ZNF236: variants seen among roughly 807,000 people sequenced by gnomAD.
ZNF236 encodes zinc finger protein 236, also known as regulated by glucose.
ZNF236 carries 50 observed loss-of-function variants against 191.2 expected under a neutral mutation model. That is an observed-to-expected ratio of 0.26 (90% CI 0.21 to 0.33). The LOEUF is 0.33. Ranked by LOEUF, ZNF236 falls within the 10% of genes least tolerant of loss-of-function variation. The pLI, the probability that ZNF236 is intolerant of heterozygous loss-of-function variation, is 1.00. For synonymous variants in ZNF236, 907 were observed against 928.8 expected, an observed-to-expected ratio of 0.98 and a Z score of 0.43; for missense variants, 1,754 against 2,374.5, an observed-to-expected ratio of 0.74 and a Z score of 5.43.
At position 76,913,768 on chromosome 18, in the gene ZNF236, C is replaced by G; in HGVS notation, c.2931C>G (p.Gly977=). ...GTAGGTGTGACTATTGCAACAAAGG[C>G]TTTAAGAAGTCCAGCCACCTGAAGC... is the stretch of plus-strand genomic sequence containing the variant. ...RSYRCDYCNK[G]FKKSSHLKQH... is the part of the protein sequence containing the mutation. Residue 977 remains glycine (G), a synonymous_variant, in exon 18 of 31, where the codon GGC becomes GGG. Transcript: ENST00000320610. 1 of 1,614,138 alleles carries G rather than the reference C, an allele frequency of 6.2e-7. No homozygotes were observed. Among genetic ancestry groups the G allele is most frequent in the African/African-American group, 1.3e-5 (1 of 75,032 alleles).
chr18:76,927,569 G>A lies in ZNF236; in HGVS notation c.4414+52G>A. 1 of 1,573,560 alleles carries A rather than the reference G, an allele frequency of 6.4e-7. No individual in the cohort carries two copies. Among genetic ancestry groups the A allele is most frequent in the Non-Finnish European group, 8.6e-7 (1 of 1,160,580 alleles). ...TTGACAGCTGGAGTTTCAGTTTCTT[G>A]CTTGTGATTACATATTTGAATTTAG... On this transcript the variant is annotated intron_variant, in intron 24 of 30. Coordinates refer to ENST00000320610, the MANE Select transcript of ZNF236 (RefSeq NM_001306089.2). This position sits in a 1 kb window ranked among gnomAD's most constrained non-coding sequence, Gnocchi z 5.4.
chr18:76,904,517 A>G lies in ZNF236; in HGVS notation c.2032A>G (p.Ile678Val). ...AAAATCTTGCCACCTTAAACAACAC[A>G]TCAGGTAAGGTAACGGATTCACAGA... ...YKKSCHLKQH[I>V]RSHTGEKPFK... Residue 678 changes from isoleucine to valine, a missense_variant, in exon 12 of 31, where the codon ATC becomes GTC. Around this residue, in one of 5 missense-constraint regions of ZNF236, gnomAD observed 641 missense variants for 869.6 expected, o/e 0.74. Transcript: ENST00000320610. 1 of 1,598,892 alleles carries G rather than the reference A, an allele frequency of 6.3e-7. No individual in the cohort carries two copies. The highest frequency in any genetic ancestry group is 8.5e-7 in the Non-Finnish European group (1 of 1,173,530).
chr18:76,823,249 A>C (rs1974917009), intron 1 of ZNF236, among the ~76,000 whole-genome samples: 1 of 150,480 alleles, frequency 6.6e-6, no homozygotes, highest in South Asian at 2.1e-4. Flanking sequence ...AGGGTCGTGC[A>C]CACAGTGTGC....
At position 76,965,777 on chromosome 18, in the gene ZNF236, C is replaced by T. The variant is rs754347944; in HGVS notation, c.5420-2438C>T. Among the ~76,000 whole-genome samples the T allele has an allele frequency of 5.3e-5, 8 of 152,252 alleles. No homozygotes were observed. The East Asian group carries it at 1.3e-3, about 26-fold the overall frequency. On this transcript the variant is annotated intron_variant, in intron 30 of 30. Transcript: ENST00000320610. ...CAGCCATGGGTACCGGTGCCTGTTC[C>T]GGTGGAGATGGCAGGGGGGTGAAAT...
intron 2 of ZNF236, among the ~76,000 whole-genome samples, chr18:76,850,783 A>G (rs960475051): frequency 6.6e-6 from 1 of 151,776 alleles, no homozygotes; most frequent in South Asian, 2.1e-4. Context: ...TTATGGTTTT[A>G]GTAGAGATGG....
intron 27 of ZNF236, among the ~76,000 whole-genome samples, chr18:76,949,952 T>C (rs1295682953): frequency 1.8e-5 from 2 of 109,352 alleles, no homozygotes; most frequent in Non-Finnish European, 3.7e-5. Flanking sequence ...CCACTGTGCC[T>C]GACCAGCATT....
chr18:76,925,522 T>C lies in ZNF236; in HGVS notation c.3995T>C (p.Val1332Ala). The C allele has an allele frequency of 6.2e-7, 1 of 1,613,796 alleles. No individual in the cohort carries two copies. Among genetic ancestry groups the C allele is most frequent in the Non-Finnish European group, 8.5e-7 (1 of 1,180,006 alleles). Residue 1332 changes from valine (V) to alanine (A), a missense_variant, in exon 22 of 31, where the codon GTG (valine) becomes GCG (alanine). Around this residue, in one of 5 missense-constraint regions of ZNF236, gnomAD observed 606 missense variants for 761.5 expected, o/e 0.80. Transcript: ENST00000320610. This position sits in a 1 kb window ranked among gnomAD's most constrained non-coding sequence, Gnocchi z 5.7. ...CAGAATCTGCTGCAACCAGGACTGGTGGGCCAAGCTATTCTCCCTGCCTCT... is the reference window on the plus strand; with the variant it reads ...CAGAATCTGCTGCAACCAGGACTGGCGGGCCAAGCTATTCTCCCTGCCTCT... Reference protein sequence around the residue: ...FDQNLLQPGLVGQAILPASVS... With the variant: ...FDQNLLQPGLAGQAILPASVS...
intron 1 of ZNF236, among the ~76,000 whole-genome samples, chr18:76,843,271 A>T (rs1326330025): frequency 6.8e-6 from 1 of 148,098 alleles, no homozygotes; most frequent in Non-Finnish European, 1.5e-5. Context: ...GGAAGAGGTT[A>T]AAAAAAAAAG....
At chr18:76,835,381 T>C (rs1300790447) in intron 1 of ZNF236, among the ~76,000 whole-genome samples, 1 of 152,234 alleles carries the variant, frequency 6.6e-6, no homozygotes, top group Admixed American at 6.5e-5. Flanking sequence ...TCTATTTTTT[T>C]CTGTCAGTTA....
chr18:76,966,760 C>T (rs1968786806), intron 30 of ZNF236, among the ~76,000 whole-genome samples: 1 of 152,192 alleles, frequency 6.6e-6, no homozygotes. Context: ...GGGTGTGATC[C>T]TACTGCTTGT....
intron 1 of ZNF236, among the ~76,000 whole-genome samples, chr18:76,844,991 C>T (rs1190609091): frequency 6.6e-6 from 1 of 152,064 alleles, no homozygotes; most frequent in Non-Finnish European, 1.5e-5. Flanking sequence ...ATTGGCAGGC[C>T]CTTGTCCTAG....
At chr18:76,910,206 C>CTATA (rs781381875) in intron 15 of ZNF236, 37 bp downstream of exon 15, 35 of 1,524,824 alleles carry the variant, frequency 2.3e-5, no homozygotes, top group Non-Finnish European at 3.2e-5. Flanking sequence ...TGTAAGTGAG[C>CTATA]TATACTTCAG....
intron 9 of ZNF236, among the ~76,000 whole-genome samples, chr18:76,894,427 T>G (rs1247169916): frequency 2.0e-5 from 3 of 152,214 alleles, no homozygotes; most frequent in Non-Finnish European, 4.4e-5. Flanking sequence ...GTACTTACTA[T>G]ATTTCCATCA....
intron 10 of ZNF236, 173 bp downstream of exon 10, chr18:76,895,458 C>A: frequency 1.1e-6 from 1 of 929,838 alleles, no homozygotes; most frequent in Non-Finnish European, 1.6e-6. Flanking sequence ...GTAAGTGTGG[C>A]CCGCAATGCA....
At position 76,960,851 on chromosome 18, in the gene ZNF236, T is replaced by C. The variant is rs753880522; in HGVS notation, c.5415T>C (p.Tyr1805=). The change falls in exon 30 of 31, where the codon TAT becomes TAC. Residue 1805 remains tyrosine, a synonymous_variant. Coordinates refer to ENST00000320610, the MANE Select transcript of ZNF236 (RefSeq NM_001306089.2). This position sits in a 1 kb window ranked among gnomAD's most constrained non-coding sequence, Gnocchi z 4.4. ...TGCACATGAAGCGGGCGCACAGCTATGCTGGTGAGAATGCTGCACCCGGGA... is the reference window on the plus strand; with the variant it reads ...TGCACATGAAGCGGGCGCACAGCTACGCTGGTGAGAATGCTGCACCCGGGA... ...MKLHMKRAHS[Y]AGALQESAGH... is the part of the protein sequence containing the mutation. 6.2e-7 allele frequency: 1 copy of C among 1,610,878 alleles called. No homozygotes were observed. The highest frequency in any genetic ancestry group is 8.5e-7 in the Non-Finnish European group (1 of 1,177,668).
chr18:76,928,688 CTT>C (rs1403905315), intron 25 of ZNF236, among the ~76,000 whole-genome samples: 1 of 152,154 alleles, frequency 6.6e-6, no homozygotes, highest in Admixed American at 6.5e-5. Flanking sequence ...CGCATTCTGA[CTT>C]TTCTCCTTGT....
Position 76,925,876 on chromosome 18 carries a change from T to C in ZNF236, c.4027+322T>C, listed in dbSNP as rs1208275063. The stretch of plus-strand genomic sequence containing the variant: ...AGTAGTGAGAAGTGTAATTTATAAA[T>C]ACTCAATAGCATTGTTTTTGATATA... On this transcript the variant is annotated intron_variant, in intron 22 of 30. Coordinates refer to ENST00000320610, the MANE Select transcript of ZNF236 (RefSeq NM_001306089.2). The surrounding 1 kb of genome is among the most constrained non-coding windows in gnomAD (Gnocchi z 5.7). Among the ~76,000 whole-genome samples the C allele has an allele frequency of 2.0e-5, 3 of 152,244 alleles. No individual in the cohort carries two copies. The highest frequency in any genetic ancestry group is 4.4e-5 in the Non-Finnish European group (3 of 68,032).
chr18:76,927,205 C>T lies in ZNF236; in HGVS notation c.4173+23C>T, dbSNP rs190170815. On this transcript the variant is annotated intron_variant, in intron 23 of 30. Transcript: ENST00000320610. This position sits in a 1 kb window ranked among gnomAD's most constrained non-coding sequence, Gnocchi z 5.4. ...CAGGTATGACACCTTCCATGGTCTC[C>T]TGTGCTGTAATTCTCTTGGCATCAC... 264 of 1,612,074 alleles carry T rather than the reference C, an allele frequency of 1.6e-4. 1 individual carries two copies. The African/African-American group carries it at 2.4e-3, about 15-fold the overall frequency.
At chr18:76,963,133 T>C (rs1968701108) in intron 30 of ZNF236, among the ~76,000 whole-genome samples, 1 of 152,160 alleles carries the variant, frequency 6.6e-6, no homozygotes, top group Non-Finnish European at 1.5e-5. Context: ...GTAGTGAGAG[T>C]GGGCATCTTT....
Sources: allele counts gnomAD v4.1 joint callset (sites outside exome capture counted in the v4.1 genomes callset), GRCh38; gene constraint gnomAD v4.1.1; regional missense constraint gnomAD v4.1.1; non-coding constraint Gnocchi (gnomAD v3.1); transcripts MANE v1.5; gene names NCBI Gene and HGNC (gene_info 2026-07-23, HGNC 2026-07-21).